C4orf50: variants seen among roughly 807,000 people sequenced by gnomAD.
C4orf50 encodes chromosome 4 open reading frame 50.
Under a neutral mutation model 77.2 loss-of-function variants are expected in C4orf50, and 80 were observed. That is an observed-to-expected ratio of 1.04 (90% CI 0.87 to 1.25). The LOEUF is 1.25. Among genes scored for constraint, C4orf50 ranks in the 50% most tolerant of loss-of-function variants. C4orf50 has a pLI of 0.00. For synonymous variants in C4orf50, 532 were observed against 465.3 expected (o/e 1.14, Z -1.84); for missense variants, 1,257 against 1,152.9 (o/e 1.09, Z -1.31).
At chr4:5,988,063 G>A (rs1013988797) in intron 28 of C4orf50, among the ~76,000 whole-genome samples, 8 of 138,018 alleles carry the variant, frequency 5.8e-5, no homozygotes, top group African/African-American at 9.9e-5. Flanking sequence ...GTGCCCTGCT[G>A]GAGTCTAAGA....
intron 30 of C4orf50, among the ~76,000 whole-genome samples, chr4:5,974,386 C>G (rs957245041): frequency 6.6e-6 from 1 of 152,094 alleles, no homozygotes; most frequent in Admixed American, 6.5e-5. Context: ...CCGCTCTGCA[C>G]CTTTCCAGCT....
intron 28 of C4orf50, among the ~76,000 whole-genome samples, chr4:5,981,398 G>A (rs1028504626): frequency 7.3e-6 from 1 of 137,564 alleles, no homozygotes; most frequent in African/African-American, 2.7e-5. Context: ...AACAAAGTGA[G>A]TATCTTTTTT....
chr4:5,960,239 C>A lies in C4orf50; in HGVS notation c.4276-613G>T, dbSNP rs183689682. Reference sequence around the variant, plus strand: ...TCAAACCTCCACTCTTTCTACGTCTCCTTTCCAGTCACTATTGTACCTGTG... The same window carrying A: ...TCAAACCTCCACTCTTTCTACGTCTACTTTCCAGTCACTATTGTACCTGTG... On this transcript the variant is annotated intron_variant, in intron 33 of 33. Coordinates refer to ENST00000531445, the Ensembl canonical transcript of C4orf50. Among the ~76,000 whole-genome samples the A allele has an allele frequency of 9.3e-4, 142 of 152,360 alleles. 3 individuals are homozygous for A. The highest frequency in any genetic ancestry group is 2.1e-4 in the Non-Finnish European group (14 of 68,040).
intron 7 of C4orf50, among the ~76,000 whole-genome samples, chr4:5,948,784 C>A (rs138577408): frequency 1.3e-4 from 19 of 143,216 alleles, no homozygotes; most frequent in Admixed American, 2.1e-4. Context: ...CAAAGTGAGA[C>A]ACCATCTCCA....
chr4:5,941,736 A>G (rs1302239485), intron 7 of C4orf50, among the ~76,000 whole-genome samples: 2 of 151,752 alleles, frequency 1.3e-5, no homozygotes, highest in African/African-American at 4.8e-5. Context: ...CCTTGTCCCC[A>G]TTGTACGGAG....
At chr4:5,998,546 C>A (rs752226808) in intron 25 of C4orf50, among the ~76,000 whole-genome samples, 1 of 152,206 alleles carries the variant, frequency 6.6e-6, no homozygotes, top group Non-Finnish European at 1.5e-5. Context: ...TAGAGGCTGG[C>A]GGGATCATCC....
Position 5,901,235 on chromosome 4 carries a change from A to C in C4orf50, c.*2475-3047T>G, listed in dbSNP as rs542127960. On this transcript the variant is annotated intron_variant, in intron 7 of 7. Coordinates refer to the C4orf50 transcript ENST00000324058. The surrounding 1 kb of genome is among the most constrained non-coding windows in gnomAD (Gnocchi z 4.4). ...GATCACCTTGTTCATAATGGCACACAGTAGGTGTATAATAAATGTGCATTA... is the reference window on the plus strand; with the variant it reads ...GATCACCTTGTTCATAATGGCACACCGTAGGTGTATAATAAATGTGCATTA... The C allele has an allele frequency of 6.6e-6, 1 of 152,256 alleles. No individual in the cohort carries two copies. Among genetic ancestry groups the C allele is most frequent in the African/African-American group, 2.4e-5 (1 of 41,468 alleles). The allele number at this position is 152,256 out of a possible 1,614,324, so 9.4% of individuals were successfully genotyped here.
Position 6,008,278 on chromosome 4 carries a change from G to T in C4orf50, c.681C>A (p.Ala227=), listed in dbSNP as rs1434958564. The T allele has an allele frequency of 5.1e-6, 2 of 391,586 alleles. No individual in the cohort carries two copies. Among genetic ancestry groups the T allele is most frequent in the Non-Finnish European group, 4.5e-6 (1 of 221,680 alleles). The allele number at this position is 391,586 out of a possible 1,614,324, so 24.3% of individuals were successfully genotyped here. The change falls in exon 25 of 34, where the codon GCC becomes GCA. Residue 227 remains alanine, a synonymous_variant. Coordinates refer to ENST00000531445, the Ensembl canonical transcript of C4orf50. This position sits in a 1 kb window ranked among gnomAD's most constrained non-coding sequence, Gnocchi z 6.0. The stretch of plus-strand genomic sequence containing the variant: ...CCTCGGTGGCGCCCTGGGAGCCTGG[G>T]GCCGCGGTGTCCCACTGGGCCAGCA...
At chr4:5,969,903 T>G (rs1719804686) in intron 31 of C4orf50, among the ~76,000 whole-genome samples, 1 of 152,064 alleles carries the variant, frequency 6.6e-6, no homozygotes, top group East Asian at 1.9e-4. Context: ...TGACGGGACC[T>G]TCCATCTGTG....
At chr4:5,931,523 A>C (rs1346706426) in intron 7 of C4orf50, among the ~76,000 whole-genome samples, 1 of 152,204 alleles carries the variant, frequency 6.6e-6, no homozygotes, top group Non-Finnish European at 1.5e-5. Flanking sequence ...AAGGTCATGC[A>C]GCCCTGGCGA....
chr4:5,910,331 T>C (rs1347577607), intron 7 of C4orf50, among the ~76,000 whole-genome samples: 2 of 152,214 alleles, frequency 1.3e-5, no homozygotes, highest in Non-Finnish European at 2.9e-5. Flanking sequence ...CCTCAGGGGA[T>C]AGTTAGCATT....
At chr4:5,940,943 C>G (rs954491050) in intron 7 of C4orf50, among the ~76,000 whole-genome samples, 4 of 152,152 alleles carry the variant, frequency 2.6e-5, no homozygotes, top group African/African-American at 9.7e-5. Context: ...TGGCCAGACA[C>G]AAAGCCCTCC....
downstream of C4orf50, among the ~76,000 whole-genome samples, chr4:5,954,089 G>A (rs892268138): frequency 2.0e-5 from 3 of 152,224 alleles, no homozygotes; most frequent in African/African-American, 7.2e-5. This position sits in a 1 kb window ranked among gnomAD's most constrained non-coding sequence, Gnocchi z 4.7. Context: ...CAGCAGCCAA[G>A]CTAAGAGCTG....
At chr4:5,988,541 T>C (rs1360833335) in exon 28 of C4orf50, 1 of 1,537,382 alleles carries the variant, frequency 6.5e-7, no homozygotes, top group East Asian at 2.4e-5. Flanking sequence ...GAATTCCCGG[T>C]GCCTGTGGAA....
At chr4:5,911,848 C>T (rs1319190187) in intron 7 of C4orf50, among the ~76,000 whole-genome samples, 1 of 152,164 alleles carries the variant, frequency 6.6e-6, no homozygotes, top group East Asian at 1.9e-4. Context: ...GAGATCGAGA[C>T]CATCCTGGCC....
chr4:5,943,722 G>C (rs536576067), intron 7 of C4orf50, among the ~76,000 whole-genome samples: 1 of 152,184 alleles, frequency 6.6e-6, no homozygotes. Context: ...CACCCAAGAC[G>C]TAGAAGTCAG....
intron 25 of C4orf50, among the ~76,000 whole-genome samples, chr4:5,994,908 G>A (rs1338479516): frequency 6.6e-6 from 1 of 152,144 alleles, no homozygotes; most frequent in Non-Finnish European, 1.5e-5. Context: ...AACGGCATTT[G>A]ATTCTCATAG....
Position 5,932,406 on chromosome 4 carries a change from G to C in C4orf50, c.*2474+24495C>G, listed in dbSNP as rs553991768. Among the ~76,000 whole-genome samples, 2 of 152,236 alleles carry C rather than the reference G, an allele frequency of 1.3e-5. No individual in the cohort carries two copies. The highest frequency in any genetic ancestry group is 4.8e-5 in the African/African-American group (2 of 41,530). ...CAAGTCCTGAACCTGAGGTGACCAG[G>C]TGATCATCTACCTGGAGAAGGAAGG... On this transcript the variant is annotated intron_variant, in intron 7 of 7. Transcript: ENST00000324058. This position sits in a 1 kb window ranked among gnomAD's most constrained non-coding sequence, Gnocchi z 4.2.
intron 7 of C4orf50, among the ~76,000 whole-genome samples, chr4:5,939,766 T>C (rs1328912899): frequency 2.6e-5 from 4 of 152,030 alleles, no homozygotes; most frequent in Non-Finnish European, 5.9e-5. Context: ...CTGTCCCCTG[T>C]CCCCAGACTG....
Sources: allele counts gnomAD v4.1 joint callset (sites outside exome capture counted in the v4.1 genomes callset), GRCh38; gene constraint gnomAD v4.1.1; non-coding constraint Gnocchi (gnomAD v3.1); transcripts MANE v1.5; gene names NCBI Gene and HGNC (gene_info 2026-07-23, HGNC 2026-07-21).